Variants in PLK5 observed in about 807,000 individuals in gnomAD.
PLK5 encodes the protein inactive serine/threonine-protein kinase PLK5.
Under a neutral mutation model 33.7 loss-of-function variants are expected in PLK5, and 28 were observed. That is an observed-to-expected ratio of 0.83 (90% CI 0.62 to 1.14). The LOEUF (loss-of-function observed/expected upper bound fraction) is 1.14. PLK5 is among the 50% of genes most tolerant of loss of function. The pLI is 0.00. For missense variants in PLK5, 492 were observed against 461.5 expected (o/e 1.07, Z -0.61); for synonymous variants, 225 against 202.2 (o/e 1.11, Z -0.96).
intron 12 of PLK5, 140 bp downstream of exon 12, chr19:1,532,023 A>C: frequency 1.0e-6 from 1 of 977,246 alleles, no homozygotes; most frequent in Non-Finnish European, 1.4e-6. Flanking sequence ...ACACTAAACG[A>C]ATCAGCAAGT....
intron 11 of PLK5, among the ~76,000 whole-genome samples, chr19:1,530,416 G>A (rs8112968): frequency 0.08 from 12,147 of 151,706 alleles, 1,572 homozygotes; most frequent in African/African-American, 0.28. Flanking sequence ...TCCTGCCTTA[G>A]CCTCCCGAGT....
chr19:1,527,918 G>GC lies in PLK5; in HGVS notation c.3-12dup. ...GCGATGCCTGGACACCCAGGTTCTT[G>GC]CCCCCCACCTGGCCCAGGTACACGG... On this transcript the variant is annotated splice_polypyrimidine_tract_variant and intron_variant, in intron 6 of 13. Transcript: ENST00000454744. 6.5e-7 allele frequency: 1 copy of GC among 1,529,140 alleles called. No individual in the cohort carries two copies. The highest frequency in any genetic ancestry group is 1.2e-5 in the South Asian group (1 of 83,508). The allele number at this position is 1,529,140 out of a possible 1,614,324, so 94.7% of individuals were successfully genotyped here.
chr19:1,530,227 C>T (rs886882742), intron 11 of PLK5, among the ~76,000 whole-genome samples: 1 of 152,160 alleles, frequency 6.6e-6, no homozygotes, highest in Non-Finnish European at 1.5e-5. Flanking sequence ...CCCACACATA[C>T]TGCCACCCTT....
intron 12 of PLK5, among the ~76,000 whole-genome samples, chr19:1,532,681 C>T (rs1913967060): frequency 6.6e-6 from 1 of 152,200 alleles, no homozygotes; most frequent in Admixed American, 6.5e-5. Flanking sequence ...CGCCACCACT[C>T]CTGGCTAATT....
rs561186590 is a variant in PLK5 at position 1,527,041 on chromosome 19, G to C, written c.2+43G>C. On this transcript the variant is annotated intron_variant, in intron 6 of 13. Coordinates refer to ENST00000454744, the MANE Select transcript of PLK5 (RefSeq NM_001243079.2). Reference sequence around the variant, plus strand: ...GAAGGTGGGCAGGGCCTCCGGGGGGGGCAGGTGTGGCGGGGGGGGAGCCTG... The same window carrying C: ...GAAGGTGGGCAGGGCCTCCGGGGGGCGCAGGTGTGGCGGGGGGGGAGCCTG... 266 of 1,263,158 alleles carry C rather than the reference G, an allele frequency of 2.1e-4. 3 individuals are homozygous for C. In the South Asian group the frequency reaches 3.4e-3, roughly 16 times the overall value. 78.2% of individuals were successfully genotyped at this position (1,263,158 alleles called of 1,614,324 possible). A position where few individuals can be genotyped will look rare whatever the true frequency, so the allele number is the denominator to read the frequency against.
rs1213244191 is a variant in PLK5 at position 1,535,688 on chromosome 19, G to A, written c.*438G>A. The A allele has an allele frequency of 1.1e-5, 2 of 185,080 alleles. No homozygotes were observed. Among genetic ancestry groups the A allele is most frequent in the Non-Finnish European group, 2.2e-5 (2 of 90,486 alleles). The allele number at this position is 185,080 out of a possible 1,614,324, so 11.5% of individuals were successfully genotyped here. Reference sequence around the variant, plus strand: ...GCTTGGGCCCAGGAGTTTGAGACCAGCCTGGGCAACATGGCAAGACCCCAT... The same window carrying A: ...GCTTGGGCCCAGGAGTTTGAGACCAACCTGGGCAACATGGCAAGACCCCAT... On this transcript the variant is annotated 3_prime_UTR_variant, in exon 14 of 14. Transcript: ENST00000454744.
intron 12 of PLK5, among the ~76,000 whole-genome samples, chr19:1,532,563 C>T (rs1482130710): frequency 2.0e-5 from 3 of 150,344 alleles, no homozygotes; most frequent in Admixed American, 1.3e-4. Flanking sequence ...CACTCTGTCA[C>T]CCAGGCTGGA....
rs1161599345 is a variant in PLK5 at position 1,534,061 on chromosome 19, T to G, written c.825+20T>G. On this transcript the variant is annotated intron_variant, in intron 13 of 13. Transcript: ENST00000454744. ...GTGCAGGTGAGCCCGGGGCTCAAAC[T>G]CGGGGCACTGGGGCTCGGCAGGGTG... The G allele has an allele frequency of 1.3e-6, 2 of 1,524,296 alleles. No individual in the cohort carries two copies. Among genetic ancestry groups the G allele is most frequent in the South Asian group, 2.4e-5 (2 of 83,690 alleles). 94.4% of individuals were successfully genotyped at this position (1,524,296 alleles called of 1,614,324 possible). A position where few individuals can be genotyped will look rare whatever the true frequency, so the allele number is the denominator to read the frequency against.
In PLK5 at chr19:1,529,453, C is replaced by G; in HGVS notation, c.453C>G (p.His151Gln). ...TTCCCTGCCTGGAAGGCCCCATCCA[C>G]CTGGTCGCACAAGGGACCCTGCAGA... Reference protein sequence around the residue: ...KEVPCLEGPIHLVAQGTLQSD... With the variant: ...KEVPCLEGPIQLVAQGTLQSD... The change falls in exon 10 of 14, where the codon CAC becomes CAG. Residue 151 changes from histidine to glutamine, a missense_variant. By Grantham distance (24) the His-to-Gln change is conservative (BLOSUM62 0). Coordinates refer to ENST00000454744, the MANE Select transcript of PLK5 (RefSeq NM_001243079.2). 1 of 1,536,054 alleles carries G rather than the reference C, an allele frequency of 6.5e-7. No individual in the cohort carries two copies. Among genetic ancestry groups the G allele is most frequent in the Non-Finnish European group, 8.7e-7 (1 of 1,146,864 alleles).
chr19:1,529,625 A>T (rs2145543966), intron 10 of PLK5, 122 bp from the exon 11 acceptor site: 1 of 1,404,750 alleles, frequency 7.1e-7, no homozygotes, highest in East Asian at 2.5e-5. Flanking sequence ...GTCAAATGGG[A>T]ATGCCGCCTC....
rs1238597524 is a variant in PLK5 at position 1,531,746 on chromosome 19, G to T, written c.577G>T (p.Asp193Tyr). ...CLDVGPPATQ[D>Y]PLGEQQPILW... Reference sequence around the variant, plus strand: ...CCTTTGTTTGTGCCCAGCCACACAGGACCCCCTGGGAGAGCAGCAGCCCAT... The same window carrying T: ...CCTTTGTTTGTGCCCAGCCACACAGTACCCCCTGGGAGAGCAGCAGCCCAT... Residue 193 changes from aspartate (D) to tyrosine (Y), a missense_variant, in exon 12 of 14, where the codon GAC (aspartate) becomes TAC (tyrosine). Physicochemically the swap from Asp to Tyr is radical, Grantham distance 160 (BLOSUM62 -3). Coordinates refer to ENST00000454744, the MANE Select transcript of PLK5 (RefSeq NM_001243079.2). 3 of 1,536,472 alleles carry T rather than the reference G, an allele frequency of 2.0e-6. No individual in the cohort carries two copies. In the East Asian group the frequency reaches 7.3e-5, roughly 38 times the overall value.
In PLK5 at chr19:1,524,107, G is replaced by A. The variant is rs1342224079; in HGVS notation, c.-683G>A. 2 of 151,130 alleles carry A rather than the reference G, an allele frequency of 1.3e-5. No individual in the cohort carries two copies. The highest frequency in any genetic ancestry group is 2.1e-4 in the South Asian group (1 of 4,836). 9.4% of individuals were successfully genotyped at this position (151,130 alleles called of 1,614,324 possible). A position where few individuals can be genotyped will look rare whatever the true frequency, so the allele number is the denominator to read the frequency against. The stretch of plus-strand genomic sequence containing the variant: ...GGCCCCGGAGCGGCCGCAGCGCGGT[G>A]GTCTCGGCCCGGCTGCGCCAGAGTC... On this transcript the variant is annotated 5_prime_UTR_variant, in exon 1 of 14. Coordinates refer to ENST00000454744, the MANE Select transcript of PLK5 (RefSeq NM_001243079.2). The surrounding 1 kb of genome is among the most constrained non-coding windows in gnomAD (Gnocchi z 4.5).
chr19:1,535,199 C>A lies in PLK5; in HGVS notation c.960C>A (p.Pro320=). Residue 320 remains proline (P), a synonymous_variant, in exon 14 of 14, where the codon CCC becomes CCA. Coordinates refer to ENST00000454744, the MANE Select transcript of PLK5 (RefSeq NM_001243079.2). ...LDVPRSHGCA[P]TTGQHLHHAL... Reference sequence around the variant, plus strand: ...TCCCGCGGAGCCACGGCTGCGCCCCCACCACCGGACAGCACCTTCACCACG... The same window carrying A: ...TCCCGCGGAGCCACGGCTGCGCCCCAACCACCGGACAGCACCTTCACCACG... The A allele has an allele frequency of 6.5e-7, 1 of 1,535,288 alleles. No individual in the cohort carries two copies. The highest frequency in any genetic ancestry group is 8.7e-7 in the Non-Finnish European group (1 of 1,146,726).
intron 10 of PLK5, 30 bp from the exon 11 acceptor site, chr19:1,529,717 T>C (rs1317209754): frequency 1.3e-6 from 2 of 1,535,248 alleles, no homozygotes; most frequent in East Asian, 2.4e-5. Flanking sequence ...AACCCAGACC[T>C]GTCTGCGGCA....
At position 1,527,929 on chromosome 19, in the gene PLK5, G is replaced by A. The variant is rs1913787760; in HGVS notation, c.3-7G>A. The stretch of plus-strand genomic sequence containing the variant: ...ACACCCAGGTTCTTGCCCCCCACCT[G>A]GCCCAGGTACACGGTGCTGACTGGC... On this transcript the variant is annotated splice_region_variant and splice_polypyrimidine_tract_variant and intron_variant, in intron 6 of 13. Coordinates refer to ENST00000454744, the MANE Select transcript of PLK5 (RefSeq NM_001243079.2). The A allele has an allele frequency of 6.5e-7, 1 of 1,531,958 alleles. No homozygotes were observed. The highest frequency in any genetic ancestry group is 8.7e-7 in the Non-Finnish European group (1 of 1,143,786). The allele number at this position is 1,531,958 out of a possible 1,614,324, so 94.9% of individuals were successfully genotyped here. A position where few individuals can be genotyped will look rare whatever the true frequency, so the allele number is the denominator to read the frequency against.
intron 13 of PLK5, among the ~76,000 whole-genome samples, chr19:1,534,810 C>G (rs1008922398): frequency 7.9e-6 from 1 of 126,528 alleles, no homozygotes; most frequent in Non-Finnish European, 1.5e-5. Context: ...GAGCAGGACT[C>G]TGTTTAAAAA....
At position 1,535,113 on chromosome 19, in the gene PLK5, G is replaced by A. The variant is rs1914056652; in HGVS notation, c.874G>A (p.Glu292Lys). Residue 292 changes from glutamate to lysine, a missense_variant, in exon 14 of 14, where the codon GAG (glutamate) becomes AAG (lysine). Coordinates refer to ENST00000454744, the MANE Select transcript of PLK5 (RefSeq NM_001243079.2). Reference sequence around the variant, plus strand: ...CCAACTGGTGCTGAGTGGCGAGGGTGAGGGTTTGCAGCTCACCCTCTGGGA... The same window carrying A: ...CCAACTGGTGCTGAGTGGCGAGGGTAAGGGTTTGCAGCTCACCCTCTGGGA... ...PAQLVLSGEGEGLQLTLWEQG... is the reference protein window; with the variant it reads ...PAQLVLSGEGKGLQLTLWEQG... The A allele has an allele frequency of 1.3e-6, 2 of 1,535,336 alleles. No homozygotes were observed. The highest frequency in any genetic ancestry group is 1.7e-4 in the Middle Eastern group (1 of 5,980).
chr19:1,528,529 A>C (rs1599304294), intron 8 of PLK5, 101 bp downstream of exon 8: 1 of 650,372 alleles, frequency 1.5e-6, no homozygotes, highest in Non-Finnish European at 2.0e-6. Flanking sequence ...CACACCTCCC[A>C]CCTGCCCACG....
chr19:1,528,010 G>A lies in PLK5; in HGVS notation c.77G>A (p.Gly26Asp), dbSNP rs963803768. ...LSEMYQNIRE[G>D]HYPEPAHLSA... ...GAGATGTACCAAAACATCCGTGAGG[G>A]CCACTACCCCGAACCCGCTCACCTG... is the stretch of plus-strand genomic sequence containing the variant. The change falls in exon 7 of 14, where the codon GGC (glycine) becomes GAC (aspartate). Residue 26 changes from glycine to aspartate, a missense_variant. By Grantham distance (94) the Gly-to-Asp change is moderately conservative (BLOSUM62 -1). Transcript: ENST00000454744. The A allele has an allele frequency of 5.3e-5, 82 of 1,536,126 alleles. No individual in the cohort carries two copies. The highest frequency in any genetic ancestry group is 2.2e-4 in the Admixed American group (11 of 50,998).
Sources: gnomAD v4.1 joint callset for allele counts (sites outside exome capture counted in the v4.1 genomes callset) on GRCh38, gnomAD v4.1.1 for gene constraint, Gnocchi (gnomAD v3.1) non-coding constraint, MANE v1.5 for transcripts, NCBI Gene and HGNC (gene_info 2026-07-23, HGNC 2026-07-21) for gene names.